NPIPB7: variants seen among roughly 807,000 people sequenced by gnomAD.
The protein encoded by NPIPB7 is nuclear pore complex-interacting protein family member B7.
For missense variants in NPIPB7, 14 were observed against 238.5 expected, an observed-to-expected ratio of 0.06 and a Z score of 6.20; for synonymous variants, 9 against 88.1, an observed-to-expected ratio of 0.10 and a Z score of 5.03.
upstream of NPIPB7, among the ~76,000 whole-genome samples, chr16:28,472,030 C>CA (rs944388852): frequency 1.2e-3 from 169 of 142,318 alleles, no homozygotes; most frequent in Non-Finnish European, 2.0e-3. Flanking sequence ...ACTCCGTCTC[C>CA]AAAAAAAAAA....
chr16:28,467,580 TTGG>T (rs2045912891), intron 1 of NPIPB7, among the ~76,000 whole-genome samples: 1 of 142,362 alleles, frequency 7.0e-6, no homozygotes, highest in Admixed American at 7.1e-5. Context: ...TTGTTTTTGT[TTGG>T]TGTTTTGTTT....
upstream of NPIPB7, chr16:28,471,062 C>G: frequency 2.3e-6 from 1 of 431,950 alleles, no homozygotes; most frequent in Non-Finnish European, 4.0e-6. Context: ...CTCGCAAGGA[C>G]AGGTCCTCTC....
chr16:28,470,070 G>A (rs1224527706), intron 1 of NPIPB7, among the ~76,000 whole-genome samples: 9 of 142,952 alleles, frequency 6.3e-5, no homozygotes, highest in Middle Eastern at 3.6e-3. Flanking sequence ...AGAGTGCAGC[G>A]GGGCCATCTC....
chr16:28,470,809 T>A (rs2045945428), upstream of NPIPB7, among the ~76,000 whole-genome samples: 1 of 144,446 alleles, frequency 6.9e-6, no homozygotes, highest in South Asian at 2.4e-4. Context: ...ACGGAGAAGA[T>A]CAGGGAAGCA....
intron 1 of NPIPB7, among the ~76,000 whole-genome samples, chr16:28,468,428 A>T (rs1369803445): frequency 6.7e-6 from 1 of 149,832 alleles, no homozygotes; most frequent in African/African-American, 2.4e-5. Context: ...AATCTTTGTC[A>T]TTTGAAGCTC....
rs1407237935 is a variant in NPIPB7, at chr16:28,464,518, G to A, written c.250-1437C>T. Reference sequence around the variant, plus strand: ...TTGAAATGACTTTTTTCTTGAGATGGAGTGTCACTCTCAACCATGCTGAAG... The same window carrying A: ...TTGAAATGACTTTTTTCTTGAGATGAAGTGTCACTCTCAACCATGCTGAAG... On this transcript the variant is annotated intron_variant, in intron 2 of 6. Coordinates refer to ENST00000452313, the Ensembl canonical transcript of NPIPB7. 5.0e-4 allele frequency among the ~76,000 whole-genome samples: 75 copies of A among 150,674 alleles called. No homozygotes were observed. The South Asian group carries it at 0.014, about 28-fold the overall frequency.
At chr16:28,470,705 G>T (rs1386031348), upstream of NPIPB7, among the ~76,000 whole-genome samples, 3 of 150,840 alleles carry the variant, frequency 2.0e-5, no homozygotes, top group Admixed American at 6.6e-5. Flanking sequence ...TGGGCACCTG[G>T]AGGAGGTGGA....
At chr16:28,468,799 T>A (rs1366178427) in intron 1 of NPIPB7, among the ~76,000 whole-genome samples, 2 of 82,832 alleles carry the variant, frequency 2.4e-5, no homozygotes, top group East Asian at 6.9e-4. Flanking sequence ...AGAGTGAGAC[T>A]CTGTCTCAAA....
At chr16:28,470,471 C>T (rs1226460936) in exon 1 of NPIPB7, 1 of 1,555,742 alleles carries the variant, frequency 6.4e-7, no homozygotes, top group South Asian at 1.2e-5. Flanking sequence ...CTGAGGCGGC[C>T]AGGACAGAGG....
At chr16:28,468,806 C>CA (rs1032086551) in intron 1 of NPIPB7, among the ~76,000 whole-genome samples, 602 of 24,256 alleles carry the variant, frequency 0.025, 19 homozygotes, top group South Asian at 0.095. Context: ...GACTCTGTCT[C>CA]AAAAAAAAAA....
chr16:28,471,437 CTT>C (rs1366909726), upstream of NPIPB7, among the ~76,000 whole-genome samples: 1 of 102,718 alleles, frequency 9.7e-6, no homozygotes, highest in Admixed American at 1.1e-4. Context: ...ATTAACCTGA[CTT>C]ATTTTGTTCC....
chr16:28,468,674 G>A (rs2045920284), intron 1 of NPIPB7, among the ~76,000 whole-genome samples: 1 of 145,252 alleles, frequency 6.9e-6, no homozygotes, highest in African/African-American at 2.5e-5. Flanking sequence ...GGGCATGGTG[G>A]CACGTGCCTA....
chr16:28,470,215 C>T (rs376576253), intron 1 of NPIPB7, among the ~76,000 whole-genome samples, 158 bp downstream of exon 1: 1 of 128,956 alleles, frequency 7.8e-6, no homozygotes, highest in African/African-American at 3.2e-5. Context: ...GGGGTTTCGC[C>T]ATGATGCCCT....
At chr16:28,471,640 A>T (rs2141687611), upstream of NPIPB7, among the ~76,000 whole-genome samples, 1 of 123,880 alleles carries the variant, frequency 8.1e-6, no homozygotes, top group South Asian at 3.0e-4. Flanking sequence ...CTCAATGATA[A>T]GATCATAACA....
At chr16:28,471,798 T>C (rs1432659105), upstream of NPIPB7, among the ~76,000 whole-genome samples, 1 of 149,636 alleles carries the variant, frequency 6.7e-6, no homozygotes, top group Admixed American at 6.7e-5. Flanking sequence ...ACTGCCTGTG[T>C]GTGTGGACTT....
chr16:28,464,223 CT>C (rs1293614989), intron 2 of NPIPB7, among the ~76,000 whole-genome samples: 61 of 144,588 alleles, frequency 4.2e-4, no homozygotes, highest in African/African-American at 1.5e-3. Flanking sequence ...CCCCCTGCTC[CT>C]TCCTGATCTG....
At chr16:28,472,336 C>G (rs2045956928), upstream of NPIPB7, among the ~76,000 whole-genome samples, 1 of 151,686 alleles carries the variant, frequency 6.6e-6, no homozygotes, top group Non-Finnish European at 1.5e-5. Context: ...TTACGGTGAG[C>G]TATGATCACG....
chr16:28,471,949 G>C (rs1373948882), upstream of NPIPB7, among the ~76,000 whole-genome samples: 1 of 152,120 alleles, frequency 6.6e-6, no homozygotes, highest in Admixed American at 6.6e-5. Context: ...AGAATCACTT[G>C]AACCTGGAAG....
At chr16:28,471,719 C>T (rs1283159282), upstream of NPIPB7, among the ~76,000 whole-genome samples, 1 of 134,734 alleles carries the variant, frequency 7.4e-6, no homozygotes, top group Admixed American at 8.1e-5. Context: ...GATCTCAAAT[C>T]ACCCCTAACC....
Sources: allele counts gnomAD v4.1 joint callset (sites outside exome capture counted in the v4.1 genomes callset), GRCh38; gene constraint gnomAD v4.1.1; transcripts MANE v1.5; gene names NCBI Gene and HGNC (gene_info 2026-07-23, HGNC 2026-07-21).